Variants in RPH3AL observed in about 807,000 individuals in gnomAD.
RPH3AL encodes the protein rabphilin 3A like (without C2 domains).
Under a neutral mutation model 43.1 loss-of-function variants are expected in RPH3AL, and 38 were observed. The observed-to-expected ratio is 0.88, with a 90% CI of 0.68 to 1.15. The LOEUF (loss-of-function observed/expected upper bound fraction) is 1.15. RPH3AL is among the 50% of genes most tolerant of loss of function. The pLI, the probability that RPH3AL is intolerant of heterozygous loss-of-function variation, is 0.00. For synonymous variants in RPH3AL, 189 were observed against 176.3 expected (o/e 1.07, Z -0.57); for missense variants, 462 against 423.2 (o/e 1.09, Z -0.81).
chr17:290,543 A>G lies in RPH3AL; in HGVS notation c.352-8689T>C, dbSNP rs942074445. Among the ~76,000 whole-genome samples the G allele has an allele frequency of 1.3e-5, 2 of 152,096 alleles. No individual in the cohort carries two copies. The highest frequency in any genetic ancestry group is 4.8e-5 in the African/African-American group (2 of 41,440). ...TGTCCTTCTTATCCAGGGCCACTTC[A>G]GTGACATTTCTGCTTCCTGCGACTC... On this transcript the variant is annotated intron_variant, in intron 5 of 9. Transcript: ENST00000331302. The surrounding 1 kb of genome is among the most constrained non-coding windows in gnomAD (Gnocchi z 4.2).
chr17:331,535 C>A (rs1442413739), intron 2 of RPH3AL: 2 of 1,240,316 alleles, frequency 1.6e-6, no homozygotes, highest in South Asian at 2.7e-5. Flanking sequence ...GTCCTTCACT[C>A]GCACGGAGCA....
chr17:343,814 G>A (rs1235312534), intron 1 of RPH3AL, among the ~76,000 whole-genome samples: 4 of 152,208 alleles, frequency 2.6e-5, no homozygotes, highest in Non-Finnish European at 4.4e-5. Context: ...CAGCCTAAAC[G>A]CCAAAGCACT....
intron 7 of RPH3AL, among the ~76,000 whole-genome samples, chr17:226,500 A>G (rs2041109886): frequency 6.6e-6 from 1 of 152,196 alleles, no homozygotes; most frequent in African/African-American, 2.4e-5. Context: ...AATCCACTCT[A>G]ATAAACACCA....
chr17:301,799 C>G (rs1325766067), intron 5 of RPH3AL, among the ~76,000 whole-genome samples: 1 of 152,108 alleles, frequency 6.6e-6, no homozygotes, highest in Non-Finnish European at 1.5e-5. Flanking sequence ...AGTTCTGACC[C>G]GAGCCGTAGG....
intron 5 of RPH3AL, among the ~76,000 whole-genome samples, chr17:303,528 TTTCAGGAAAGAGATGGGGAGGGAGGGAGG>T (rs2043387271): frequency 2.3e-5 from 3 of 129,886 alleles, no homozygotes; most frequent in Middle Eastern, 4.3e-3. Flanking sequence ...AGTGACCGTG[TTTCAGGAAAGAGATGGGGAGGGAGGGAGG>T]CTGTACTGAG....
intron 7 of RPH3AL, among the ~76,000 whole-genome samples, chr17:229,951 G>A (rs1052595782): frequency 1.3e-5 from 2 of 152,162 alleles, no homozygotes; most frequent in East Asian, 3.9e-4. Flanking sequence ...GGAGCCAGGA[G>A]ATATGGGGTG....
intron 7 of RPH3AL, among the ~76,000 whole-genome samples, chr17:238,280 GAGAA>G (rs1051039812): frequency 9.9e-5 from 15 of 151,700 alleles, no homozygotes; most frequent in African/African-American, 3.4e-4. Flanking sequence ...AAGAGAGAGA[GAGAA>G]AGAAAAGCAA....
intron 6 of RPH3AL, among the ~76,000 whole-genome samples, chr17:252,250 C>A (rs1366471767): frequency 2.0e-5 from 3 of 152,150 alleles, no homozygotes; most frequent in Admixed American, 2.0e-4. Flanking sequence ...GCTGGGATTA[C>A]AAACACGAGC....
intron 7 of RPH3AL, among the ~76,000 whole-genome samples, chr17:223,169 G>A (rs567621066): frequency 8.2e-5 from 12 of 146,870 alleles, no homozygotes; most frequent in South Asian, 2.2e-4. Flanking sequence ...TAGCCTGGGT[G>A]ACAGAGCAAG....
At chr17:262,733 A>C (rs1347413327) in intron 6 of RPH3AL, among the ~76,000 whole-genome samples, 1 of 152,132 alleles carries the variant, frequency 6.6e-6, no homozygotes, top group Non-Finnish European at 1.5e-5. Context: ...GCCCCGAGCC[A>C]TCTCCTTTAT....
chr17:282,213 T>C (rs2042797446), intron 5 of RPH3AL, among the ~76,000 whole-genome samples: 1 of 152,240 alleles, frequency 6.6e-6, no homozygotes, highest in South Asian at 2.1e-4. Flanking sequence ...TGATCTGGCC[T>C]TCACACAGCC....
rs371606485 is a variant in RPH3AL, at chr17:296,697, G to A, written c.352-14843C>T. ...GTCAGAACCCGCAGGGCCCAAAGAC[G>A]GGCTGTTCAACGTCACGCCCGCTTT... On this transcript the variant is annotated intron_variant, in intron 5 of 9. Coordinates refer to ENST00000331302, the MANE Select transcript of RPH3AL (RefSeq NM_006987.4). Among the ~76,000 whole-genome samples the A allele has an allele frequency of 4.8e-4, 73 of 152,310 alleles. No individual in the cohort carries two copies. In the East Asian group the frequency reaches 8.3e-3, roughly 17 times the overall value.
intron 7 of RPH3AL, among the ~76,000 whole-genome samples, chr17:242,555 TTACCTTCCTCTATTGAC>T (rs1567576488): frequency 1.3e-3 from 39 of 30,630 alleles, no homozygotes; most frequent in African/African-American, 2.4e-3. Flanking sequence ...CCTCTATTGA[TTACCTTCCTCTATTGAC>T]TACCTTCCTC....
At chr17:217,166 G>A in intron 8 of RPH3AL, among the ~76,000 whole-genome samples, 1 of 143,344 alleles carries the variant, frequency 7.0e-6, no homozygotes, top group Non-Finnish European at 1.5e-5. Context: ...TTATTACAGA[G>A]CCCTTCTTCT....
chr17:248,663 T>C (rs2151547165), intron 6 of RPH3AL, among the ~76,000 whole-genome samples: 1 of 152,136 alleles, frequency 6.6e-6, no homozygotes, highest in South Asian at 2.1e-4. Flanking sequence ...TCCTCTAATA[T>C]CCCCAGCTTG....
intron 4 of RPH3AL, among the ~76,000 whole-genome samples, chr17:319,817 A>C (rs150881660): frequency 7.2e-6 from 1 of 139,438 alleles, no homozygotes; most frequent in Non-Finnish European, 1.5e-5. Context: ...ACCTTCAATA[A>C]GGAAGAAAAT....
intron 6 of RPH3AL, among the ~76,000 whole-genome samples, chr17:248,969 T>A (rs1380658995): frequency 1.3e-5 from 2 of 152,074 alleles, no homozygotes; most frequent in Admixed American, 1.3e-4. Flanking sequence ...CTGGACCACA[T>A]CACAGCCTTG....
At chr17:214,875 C>A in intron 9 of RPH3AL, 1 of 152,436 alleles carries the variant, frequency 6.6e-6, no homozygotes, top group Non-Finnish European at 1.5e-5. Flanking sequence ...TGCCGGATTC[C>A]ACACTGTCCT....
In RPH3AL at chr17:225,176, G is replaced by A. The variant is rs2041081291; in HGVS notation, c.614-5440C>T. Among the ~76,000 whole-genome samples, 1 of 150,866 alleles carries A rather than the reference G, an allele frequency of 6.6e-6. No individual in the cohort carries two copies. The highest frequency in any genetic ancestry group is 2.4e-5 in the African/African-American group (1 of 41,092). Reference sequence around the variant, plus strand: ...GGCCTGGCCTCTCCTTCCTCCATCTGCTCAGAGGCTCTGCCTTTTTCTGTC... The same window carrying A: ...GGCCTGGCCTCTCCTTCCTCCATCTACTCAGAGGCTCTGCCTTTTTCTGTC... On this transcript the variant is annotated intron_variant, in intron 7 of 9. Coordinates refer to ENST00000331302, the MANE Select transcript of RPH3AL (RefSeq NM_006987.4). This position sits in a 1 kb window ranked among gnomAD's most constrained non-coding sequence, Gnocchi z 4.4.
Sources: allele counts gnomAD v4.1 joint callset (sites outside exome capture counted in the v4.1 genomes callset), GRCh38; gene constraint gnomAD v4.1.1; non-coding constraint Gnocchi (gnomAD v3.1); transcripts MANE v1.5; gene names NCBI Gene and HGNC (gene_info 2026-07-23, HGNC 2026-07-21).